Variants in AKAP9 observed in about 807,000 individuals in gnomAD.
AKAP9 encodes the protein A-kinase anchoring protein 9.
A neutral mutation model predicts 488.5 loss-of-function variants in AKAP9; 311 were observed. The observed-to-expected ratio is 0.64, with a 90% confidence interval of 0.58 to 0.70. The LOEUF (loss-of-function observed/expected upper bound fraction) is 0.70, where lower values mean the gene tolerates loss of function less well. Among genes scored for constraint, AKAP9 ranks in the 30% least tolerant of loss-of-function variants. The pLI is 0.00. For synonymous variants in AKAP9, 1,462 were observed against 1,483.5 expected, an observed-to-expected ratio of 0.99 and a Z score of 0.33; for missense variants, 4,215 against 4,374.5, an observed-to-expected ratio of 0.96 and a Z score of 1.03.
Position 92,079,405 on chromosome 7 carries a change from T to A in AKAP9, c.7272T>A (p.Asn2424Lys). ...TTAAAGAAACCAATTTTAAAATGAATCAGCTAACACAGGAATTATTCAGCT... is the reference window on the plus strand; with the variant it reads ...TTAAAGAAACCAATTTTAAAATGAAACAGCTAACACAGGAATTATTCAGCT... Reference protein sequence around the residue: ...NVLKETNFKMNQLTQELFSLK... With the variant: ...NVLKETNFKMKQLTQELFSLK... Residue 2424 changes from asparagine (N) to lysine (K), a missense_variant, in exon 31 of 50, where the codon AAT (asparagine) becomes AAA (lysine). By Grantham distance (94) the Asn-to-Lys change is moderately conservative. Transcript: ENST00000356239. 1 of 1,614,036 alleles carries A rather than the reference T, an allele frequency of 6.2e-7. No individual in the cohort carries two copies. The highest frequency in any genetic ancestry group is 8.5e-7 in the Non-Finnish European group (1 of 1,179,986).
intron 3 of AKAP9, among the ~76,000 whole-genome samples, chr7:91,981,292 G>T (rs1796376266): frequency 6.6e-6 from 1 of 151,292 alleles, no homozygotes; most frequent in South Asian, 2.1e-4. Context: ...TGCATTTGAG[G>T]GTATGACCAA....
intron 7 of AKAP9, 24 bp downstream of exon 7, chr7:91,995,824 G>GCTAA: frequency 1.3e-6 from 2 of 1,557,996 alleles, no homozygotes; most frequent in African/African-American, 1.4e-5. Context: ...AAGGAAGTCA[G>GCTAA]CTAACTTGTA....
chr7:92,089,026 CAAAGAA>C (rs1563123654), intron 37 of AKAP9, among the ~76,000 whole-genome samples: 1 of 152,070 alleles, frequency 6.6e-6, no homozygotes, highest in Admixed American at 6.6e-5. Flanking sequence ...TCATGAAAGA[CAAAGAA>C]AGACTTGGGA....
intron 3 of AKAP9, among the ~76,000 whole-genome samples, chr7:91,984,485 C>G (rs545715203): frequency 6.6e-6 from 1 of 152,252 alleles, no homozygotes; most frequent in Non-Finnish European, 1.5e-5. Context: ...TTCCATTGGT[C>G]TATATCTCTG....
intron 3 of AKAP9, among the ~76,000 whole-genome samples, chr7:91,987,287 C>T (rs181382500): frequency 9.7e-4 from 147 of 151,986 alleles, no homozygotes; most frequent in Middle Eastern, 3.4e-3. Context: ...AACATGGTGG[C>T]GTATGCCTGT....
intron 1 of AKAP9, among the ~76,000 whole-genome samples, chr7:91,967,480 C>G (rs1794558749): frequency 6.6e-6 from 1 of 152,058 alleles, no homozygotes; most frequent in African/African-American, 2.4e-5. Flanking sequence ...TATGCATCTT[C>G]TGTATCCAGT....
At chr7:92,082,786 G>T in intron 32 of AKAP9, 124 bp downstream of exon 32, 3 of 1,161,064 alleles carry the variant, frequency 2.6e-6, no homozygotes, top group South Asian at 2.9e-5. Context: ...AGTATTTTGT[G>T]GATTTGATGA....
At chr7:91,990,630 T>C (rs1029547989) in intron 3 of AKAP9, among the ~76,000 whole-genome samples, 6 of 152,138 alleles carry the variant, frequency 3.9e-5, no homozygotes, top group African/African-American at 1.4e-4. Context: ...AGTGGCTAAA[T>C]AAAGTACTAG....
intron 1 of AKAP9, among the ~76,000 whole-genome samples, chr7:91,953,172 C>G (rs1400301041): frequency 6.6e-6 from 1 of 152,144 alleles, no homozygotes; most frequent in Non-Finnish European, 1.5e-5. Flanking sequence ...AAGGTAAAAT[C>G]AGCAGAACTT....
intron 15 of AKAP9, among the ~76,000 whole-genome samples, chr7:92,031,058 A>G (rs1804154222): frequency 6.6e-6 from 1 of 152,224 alleles, no homozygotes; most frequent in Non-Finnish European, 1.5e-5. Flanking sequence ...TTAAAAGTTT[A>G]TGGTTTTTTC....
Position 92,052,817 on chromosome 7 carries a change from G to A in AKAP9, c.5460G>A (p.Glu1820=). ...MWSKVTEEGT[E]LSQRLVRSGF... The stretch of plus-strand genomic sequence containing the variant: ...CAAAAGTAACTGAGGAAGGAACAGA[G>A]CTGTCACAACGACTTGTGAGGAGTG... The change falls in exon 22 of 50, where the codon GAG becomes GAA. Residue 1820 remains glutamate, a synonymous_variant. Transcript: ENST00000356239. 6.2e-7 allele frequency: 1 copy of A among 1,613,830 alleles called. No individual in the cohort carries two copies. Among genetic ancestry groups the A allele is most frequent in the Non-Finnish European group, 8.5e-7 (1 of 1,179,834 alleles).
At position 92,001,051 on chromosome 7, in the gene AKAP9, A is replaced by G. The variant is rs541883996; in HGVS notation, c.1134A>G (p.Leu378=). 6.2e-6 allele frequency: 10 copies of G among 1,606,276 alleles called. No homozygotes were observed. In the Admixed American group the frequency reaches 1.5e-4, roughly 25 times the overall value. ...ACCAAGAAATAAAAAACATGAAATT[A>G]GAGCTGACTAATTCTAAGCAAAAAG... ...QKNQEIKNMK[L]ELTNSKQKER... is the part of the protein sequence containing the mutation. The change falls in exon 8 of 50, where the codon TTA becomes TTG. Residue 378 remains leucine (L), a synonymous_variant. Coordinates refer to ENST00000356239, the MANE Select transcript of AKAP9 (RefSeq NM_005751.5).
At chr7:91,963,530 A>T (rs1442695423) in intron 1 of AKAP9, among the ~76,000 whole-genome samples, 1 of 149,928 alleles carries the variant, frequency 6.7e-6, no homozygotes, top group African/African-American at 2.5e-5. Flanking sequence ...ACACACACAT[A>T]TTTTTGAGAC....
rs530214015 is a variant in AKAP9, at chr7:92,022,401, G to T, written c.3952+49G>T. On this transcript the variant is annotated intron_variant, in intron 13 of 49. Coordinates refer to ENST00000356239, the MANE Select transcript of AKAP9 (RefSeq NM_005751.5). ...ATGTGGTGTTTTTATAGCAAATATT[G>T]AGTAATTTGCTTTTTTACTTTAAAA... The T allele has an allele frequency of 6.1e-4, 801 of 1,322,428 alleles. 11 individuals carry two copies. In the South Asian group the frequency reaches 8.7e-3, roughly 14 times the overall value. The allele number at this position is 1,322,428 out of a possible 1,614,324, so 81.9% of individuals were successfully genotyped here.
At chr7:91,996,889 C>A (rs1334385619) in intron 7 of AKAP9, among the ~76,000 whole-genome samples, 1 of 152,112 alleles carries the variant, frequency 6.6e-6, no homozygotes, top group Non-Finnish European at 1.5e-5. Context: ...TTCAAAGCAT[C>A]TTATATTAAC....
rs571502922 is a variant in AKAP9 at position 91,941,034 on chromosome 7, G to T, written c.-66G>T. On this transcript the variant is annotated 5_prime_UTR_variant, in exon 1 of 50. Transcript: ENST00000356239. The stretch of plus-strand genomic sequence containing the variant: ...TTGCCGTCCCACCTCCGTCCAAATC[G>T]ACCTTTCCTTTCTATCCCCAACCAC... The T allele has an allele frequency of 1.5e-5, 23 of 1,517,846 alleles. No homozygotes were observed. Among genetic ancestry groups the T allele is most frequent in the Non-Finnish European group, 1.9e-5 (21 of 1,092,576 alleles). The allele number at this position is 1,517,846 out of a possible 1,614,324, so 94.0% of individuals were successfully genotyped here. A position where few individuals can be genotyped will look rare whatever the true frequency, so the allele number is the denominator to read the frequency against.
chr7:91,950,299 G>A (rs182808096), intron 1 of AKAP9, among the ~76,000 whole-genome samples: 283 of 146,422 alleles, frequency 1.9e-3, no homozygotes, highest in African/African-American at 6.6e-3. Context: ...GCACTATCTC[G>A]GCTCAGTGCA....
In AKAP9 at chr7:91,992,852, T is replaced by C. The variant is rs375379634; in HGVS notation, c.406-33T>C. The stretch of plus-strand genomic sequence containing the variant: ...CTCTCTCCCTAAGGAATATTGCTAA[T>C]ACTGAATTCTTTAAAATCTTGGATT... On this transcript the variant is annotated intron_variant, in intron 4 of 49. Transcript: ENST00000356239. 13 of 1,595,308 alleles carry C rather than the reference T, an allele frequency of 8.1e-6. No individual in the cohort carries two copies. The African/African-American group carries it at 1.7e-4, about 21-fold the overall frequency.
At chr7:91,959,658 T>G (rs994505683) in intron 1 of AKAP9, among the ~76,000 whole-genome samples, 1 of 152,146 alleles carries the variant, frequency 6.6e-6, no homozygotes, top group Non-Finnish European at 1.5e-5. Context: ...TATGTAACAT[T>G]AAGATGGTTC....
Sources: gnomAD v4.1 joint callset for allele counts (sites outside exome capture counted in the v4.1 genomes callset) on GRCh38, gnomAD v4.1.1 for gene constraint, MANE v1.5 for transcripts, NCBI Gene and HGNC (gene_info 2026-07-23, HGNC 2026-07-21) for gene names.